Variants in PTPRZ1 observed in about 807,000 individuals in gnomAD.
PTPRZ1 encodes the protein receptor-type tyrosine-protein phosphatase zeta.
A neutral mutation model predicts 214.1 loss-of-function variants in PTPRZ1; 82 were observed. That is an observed-to-expected ratio of 0.38 (90% CI 0.32 to 0.46). The LOEUF (loss-of-function observed/expected upper bound fraction) is 0.46, where lower values mean the gene tolerates loss of function less well. Ranked by LOEUF, PTPRZ1 falls within the 20% of genes least tolerant of loss-of-function variation. The pLI, the probability that PTPRZ1 is intolerant of heterozygous loss-of-function variation, is 1.00. For missense variants in PTPRZ1, 2,603 were observed against 2,748.7 expected, an observed-to-expected ratio of 0.95 and a Z score of 1.19; for synonymous variants, 945 against 987.9, an observed-to-expected ratio of 0.96 and a Z score of 0.81.
rs1323917142 is a variant in PTPRZ1 at position 121,986,081 on chromosome 7, A to G, written c.928+1964A>G. On this transcript the variant is annotated intron_variant, in intron 8 of 29. Coordinates refer to ENST00000393386, the MANE Select transcript of PTPRZ1 (RefSeq NM_002851.3). ...GTATATAATTCTGATTTAATGTAGAACATTGCTTTCACAGTTAAGTGTTAA... is the reference window on the plus strand; with the variant it reads ...GTATATAATTCTGATTTAATGTAGAGCATTGCTTTCACAGTTAAGTGTTAA... Among the ~76,000 whole-genome samples the G allele has an allele frequency of 1.1e-4, 17 of 152,160 alleles. 1 individual carries two copies.
chr7:121,966,433 C>T (rs1342706042), intron 2 of PTPRZ1, among the ~76,000 whole-genome samples: 2 of 152,174 alleles, frequency 1.3e-5, no homozygotes, highest in Admixed American at 6.6e-5. Flanking sequence ...CTTGCACTGA[C>T]ATTAGTAAAA....
At chr7:121,916,337 G>C (rs938982162) in intron 1 of PTPRZ1, among the ~76,000 whole-genome samples, 5 of 151,834 alleles carry the variant, frequency 3.3e-5, no homozygotes, top group African/African-American at 1.2e-4. Context: ...GACAGTGCAG[G>C]AGTATGTTAA....
chr7:121,993,068 A>T (rs376868234), intron 8 of PTPRZ1, among the ~76,000 whole-genome samples: 1 of 152,188 alleles, frequency 6.6e-6, no homozygotes, highest in Non-Finnish European at 1.5e-5. Context: ...AGTATGTGAG[A>T]TATAGGCCTG....
Position 122,037,127 on chromosome 7 carries a change from T to C in PTPRZ1, c.5367+445T>C, listed in dbSNP as rs113794915. 6.3e-3 allele frequency among the ~76,000 whole-genome samples: 964 copies of C among 151,884 alleles called. 8 individuals carry two copies. The highest frequency in any genetic ancestry group is 0.021 in the African/African-American group (886 of 41,432). On this transcript the variant is annotated intron_variant, in intron 18 of 29. Transcript: ENST00000393386. ...CTCTACTAAAAATACAAAAAAAAAT[T>C]AGCTGGGCGTTGTGGCGGGCGCCTG...
At chr7:121,937,818 T>G (rs1796128072) in intron 2 of PTPRZ1, among the ~76,000 whole-genome samples, 1 of 152,206 alleles carries the variant, frequency 6.6e-6, no homozygotes, top group Admixed American at 6.5e-5. Context: ...GGAGACTTAG[T>G]GTGATAAGAT....
At chr7:121,995,869 G>T (rs1457782125) in intron 8 of PTPRZ1, among the ~76,000 whole-genome samples, 2 of 152,062 alleles carry the variant, frequency 1.3e-5, no homozygotes, top group East Asian at 3.9e-4. Flanking sequence ...TACCAAACAA[G>T]AGAAATTAAG....
At chr7:122,054,594 A>G (rs1020420670) in intron 26 of PTPRZ1, among the ~76,000 whole-genome samples, 2 of 152,202 alleles carry the variant, frequency 1.3e-5, no homozygotes, top group African/African-American at 2.4e-5. Context: ...GTTCTTATCT[A>G]TAAAGTTATT....
intron 13 of PTPRZ1, among the ~76,000 whole-genome samples, chr7:122,021,860 A>G (rs1430629780): frequency 6.6e-6 from 1 of 152,364 alleles, no homozygotes; most frequent in East Asian, 1.9e-4. Context: ...CTGACCTACT[A>G]ACATCTGTTT....
intron 6 of PTPRZ1, among the ~76,000 whole-genome samples, chr7:121,982,603 A>C (rs1466293969): frequency 6.6e-6 from 1 of 152,042 alleles, no homozygotes; most frequent in Non-Finnish European, 1.5e-5. Flanking sequence ...TATTTGTTAG[A>C]TTTATTTGTA....
chr7:122,020,502 A>G (rs1798983427), intron 13 of PTPRZ1, among the ~76,000 whole-genome samples: 1 of 152,188 alleles, frequency 6.6e-6, no homozygotes, highest in Non-Finnish European at 1.5e-5. Flanking sequence ...CCAGGCAGGG[A>G]CACAGCAGGT....
intron 11 of PTPRZ1, among the ~76,000 whole-genome samples, chr7:122,005,179 G>A (rs1798448160): frequency 6.6e-6 from 1 of 151,810 alleles, no homozygotes; most frequent in Non-Finnish European, 1.5e-5. Context: ...CTGACAACAG[G>A]CACTTATACT....
chr7:122,028,121 A>G (rs968986959), intron 13 of PTPRZ1: 1 of 161,294 alleles, frequency 6.2e-6, no homozygotes, highest in African/African-American at 2.4e-5. Flanking sequence ...TAAGAAGAAC[A>G]TGGTCATTTG....
chr7:121,999,069 A>G (rs1798239071), intron 10 of PTPRZ1, among the ~76,000 whole-genome samples: 1 of 152,146 alleles, frequency 6.6e-6, no homozygotes, highest in Non-Finnish European at 1.5e-5. Context: ...GTTAAAGATT[A>G]TATGTGAGAG....
At chr7:121,981,223 A>G (rs1490345191) in intron 6 of PTPRZ1, among the ~76,000 whole-genome samples, 1 of 152,034 alleles carries the variant, frequency 6.6e-6, no homozygotes, top group African/African-American at 2.4e-5. Context: ...CTAGCCTACT[A>G]CCCTGCATGT....
intron 1 of PTPRZ1, among the ~76,000 whole-genome samples, chr7:121,912,044 G>A (rs1795293992): frequency 6.6e-6 from 1 of 152,104 alleles, no homozygotes; most frequent in Non-Finnish European, 1.5e-5. Context: ...ATTTTCCAGT[G>A]TATGAAACTA....
intron 12 of PTPRZ1, among the ~76,000 whole-genome samples, chr7:122,015,862 T>G (rs1014013783): frequency 2.0e-5 from 3 of 152,050 alleles, no homozygotes; most frequent in African/African-American, 7.2e-5. Flanking sequence ...TCAAGTAACA[T>G]AATTAGTGAA....
chr7:121,916,511 A>C (rs1795433318), intron 1 of PTPRZ1, among the ~76,000 whole-genome samples: 1 of 152,234 alleles, frequency 6.6e-6, no homozygotes, highest in Non-Finnish European at 1.5e-5. Flanking sequence ...AACTATTCCA[A>C]AATAAATAAT....
chr7:121,915,692 C>T (rs1334977733), intron 1 of PTPRZ1, among the ~76,000 whole-genome samples: 1 of 152,034 alleles, frequency 6.6e-6, no homozygotes, highest in Non-Finnish European at 1.5e-5. Context: ...TCTATAATAG[C>T]TTATCAGATA....
rs143016711 is a variant in PTPRZ1 at position 121,921,504 on chromosome 7, A to G, written c.59-6652A>G. Among the ~76,000 whole-genome samples the G allele has an allele frequency of 2.5e-3, 375 of 152,168 alleles. 3 individuals are homozygous for G. The highest frequency in any genetic ancestry group is 8.6e-3 in the African/African-American group (356 of 41,532). Reference sequence around the variant, plus strand: ...TTCCATCTCCTTGAATGATTTTACCATTTTGATTATATAGTGCCTCAGGCA... The same window carrying G: ...TTCCATCTCCTTGAATGATTTTACCGTTTTGATTATATAGTGCCTCAGGCA... On this transcript the variant is annotated intron_variant, in intron 1 of 29. Transcript: ENST00000393386.
Sources: gnomAD v4.1 joint callset for allele counts (sites outside exome capture counted in the v4.1 genomes callset) on GRCh38, gnomAD v4.1.1 for gene constraint, MANE v1.5 for transcripts, NCBI Gene and HGNC (gene_info 2026-07-23, HGNC 2026-07-21) for gene names.